JAZF1: variants seen among roughly 807,000 people sequenced by gnomAD.
JAZF1 encodes juxtaposed with another zinc finger protein 1.
A neutral mutation model predicts 26.4 loss-of-function variants in JAZF1; 8 were observed. The ratio of observed to expected loss-of-function variants is 0.30; its 90% CI spans 0.18 to 0.55. The LOEUF is 0.55. Among genes scored for constraint, JAZF1 ranks in the 20% least tolerant of loss-of-function variants. JAZF1 has a pLI of 0.94. For missense variants in JAZF1, 199 were observed against 322.0 expected (o/e 0.62, Z 2.92); for synonymous variants, 126 against 122.3 (o/e 1.03, Z -0.20).
At chr7:28,124,804 G>A (rs1361893012) in intron 1 of JAZF1, among the ~76,000 whole-genome samples, 1 of 152,112 alleles carries the variant, frequency 6.6e-6, no homozygotes, top group African/African-American at 2.4e-5. Context: ...TTTTTAATGA[G>A]CATTTTGATC....
chr7:28,014,004 A>G (rs1356886080), intron 1 of JAZF1, among the ~76,000 whole-genome samples: 7 of 152,154 alleles, frequency 4.6e-5, no homozygotes, highest in Non-Finnish European at 1.0e-4. Flanking sequence ...GAACTAGGCC[A>G]GAAAACAAAC....
chr7:27,920,934 T>C (rs951884971), intron 2 of JAZF1, among the ~76,000 whole-genome samples: 3 of 152,246 alleles, frequency 2.0e-5, no homozygotes, highest in Non-Finnish European at 4.4e-5. Context: ...ATTTGTGACA[T>C]GAAATCATGC....
intron 4 of JAZF1, among the ~76,000 whole-genome samples, chr7:27,839,325 G>A (rs1015717595): frequency 6.6e-6 from 1 of 152,180 alleles, no homozygotes; most frequent in East Asian, 1.9e-4. Context: ...GGGGAGACGC[G>A]GTGGGAACCA....
intron 1 of JAZF1, among the ~76,000 whole-genome samples, chr7:28,173,832 C>T (rs535640079): frequency 6.8e-6 from 1 of 146,520 alleles, no homozygotes; most frequent in East Asian, 2.0e-4. Flanking sequence ...AAAGACTTCA[C>T]CCTTAAAGAG....
intron 1 of JAZF1, among the ~76,000 whole-genome samples, chr7:28,022,232 C>G (rs1783017965): frequency 6.6e-6 from 1 of 152,202 alleles, no homozygotes; most frequent in Non-Finnish European, 1.5e-5. Flanking sequence ...GGGTTTTCAT[C>G]TGAATTTCTC....
At chr7:27,889,616 C>A (rs937444919) in intron 3 of JAZF1, among the ~76,000 whole-genome samples, 1 of 152,130 alleles carries the variant, frequency 6.6e-6, no homozygotes, top group Non-Finnish European at 1.5e-5. Flanking sequence ...CCATGGTTAA[C>A]TTCTCTTAAA....
intron 1 of JAZF1, among the ~76,000 whole-genome samples, chr7:28,068,345 T>C (rs1481497787): frequency 6.6e-6 from 1 of 151,910 alleles, no homozygotes; most frequent in Non-Finnish European, 1.5e-5. Flanking sequence ...GTAATGGGCA[T>C]GCAATTGGTC....
intron 1 of JAZF1, among the ~76,000 whole-genome samples, chr7:28,081,962 A>AATGACTG (rs1784143937): frequency 6.6e-6 from 1 of 152,228 alleles, no homozygotes; most frequent in African/African-American, 2.4e-5. Flanking sequence ...AGAATAAATC[A>AATGACTG]ATGACTGACA....
rs1782747136 is a variant in JAZF1, at chr7:28,129,028, TTC to T, written c.115+51433_115+51434del. On this transcript the variant is annotated intron_variant, in intron 1 of 4. Coordinates refer to ENST00000283928, the MANE Select transcript of JAZF1 (RefSeq NM_175061.4). ...GAGAGTAGCTCTGAGAATCACTGGG[TTC>T]TCTGTTTTTATGCAAGACTCTTTTC... Among the ~76,000 whole-genome samples the T allele has an allele frequency of 4.6e-5, 7 of 152,164 alleles. No individual in the cohort carries two copies. In the South Asian group the frequency reaches 1.5e-3, roughly 32 times the overall value.
At chr7:27,992,042 C>G (rs771597723) in intron 1 of JAZF1, 61 bp from the exon 2 acceptor site, 1 of 977,686 alleles carries the variant, frequency 1.0e-6, no homozygotes, top group Admixed American at 1.7e-5. Context: ...ATGAGGCTAC[C>G]TAACACAAAG....
intron 3 of JAZF1, among the ~76,000 whole-genome samples, chr7:27,875,356 C>T (rs966450000): frequency 1.8e-4 from 28 of 152,200 alleles, no homozygotes; most frequent in African/African-American, 6.5e-4. Flanking sequence ...CTCTTTTAGC[C>T]ATTTTTACAG....
At chr7:27,911,137 T>C (rs1326068514) in intron 2 of JAZF1, among the ~76,000 whole-genome samples, 1 of 152,192 alleles carries the variant, frequency 6.6e-6, no homozygotes, top group Non-Finnish European at 1.5e-5. Context: ...ATTTAATCCA[T>C]AGCGTTTTTA....
At chr7:27,897,338 G>A (rs1160723055) in intron 2 of JAZF1, among the ~76,000 whole-genome samples, 1 of 152,192 alleles carries the variant, frequency 6.6e-6, no homozygotes. Flanking sequence ...TTTGGAGTCA[G>A]GCCGGGGTTC....
Position 28,091,094 on chromosome 7 carries a change from G to A in JAZF1, c.115+89369C>T, listed in dbSNP as rs1040755205. On this transcript the variant is annotated intron_variant, in intron 1 of 4. Coordinates refer to ENST00000283928, the MANE Select transcript of JAZF1 (RefSeq NM_175061.4). ...ACCCGCCTCGGCCTCCCAAAGTGCT[G>A]GGATTACAGGCGTGAGCCACCGCGC... Among the ~76,000 whole-genome samples, 10 of 151,880 alleles carry A rather than the reference G, an allele frequency of 6.6e-5. No homozygotes were observed. In the South Asian group the frequency reaches 2.1e-3, roughly 31 times the overall value.
At chr7:27,858,518 G>A (rs745346189) in intron 3 of JAZF1, among the ~76,000 whole-genome samples, 7 of 152,040 alleles carry the variant, frequency 4.6e-5, no homozygotes, top group East Asian at 1.9e-4. Context: ...AGCATGGTAC[G>A]GATGCCAAAA....
chr7:27,888,296 T>G (rs529482068), intron 3 of JAZF1, among the ~76,000 whole-genome samples: 1 of 152,350 alleles, frequency 6.6e-6, no homozygotes, highest in African/African-American at 2.4e-5. Flanking sequence ...TTTTCCACTA[T>G]TAAACAGAAT....
intron 1 of JAZF1, among the ~76,000 whole-genome samples, chr7:28,084,777 A>C (rs1409399867): frequency 6.6e-6 from 1 of 152,182 alleles, no homozygotes; most frequent in Non-Finnish European, 1.5e-5. Context: ...CTAGGTCAGA[A>C]AGGATGTTTG....
intron 3 of JAZF1, among the ~76,000 whole-genome samples, chr7:27,873,441 C>T (rs739898): frequency 0.21 from 31,661 of 152,072 alleles, 3,532 homozygotes; most frequent in Middle Eastern, 0.3. Context: ...ATATGCTTCC[C>T]GAACCCAACA....
intron 3 of JAZF1, among the ~76,000 whole-genome samples, chr7:27,872,235 C>T (rs1279413401): frequency 6.6e-6 from 1 of 152,198 alleles, no homozygotes; most frequent in East Asian, 1.9e-4. Context: ...CAAGATTTCT[C>T]CAACTCCATA....
Sources: allele counts gnomAD v4.1 joint callset (sites outside exome capture counted in the v4.1 genomes callset), GRCh38; gene constraint gnomAD v4.1.1; transcripts MANE v1.5; gene names NCBI Gene and HGNC (gene_info 2026-07-23, HGNC 2026-07-21).